The following NBN variants were observed in gnomAD, a reference collection of about 807,000 sequenced individuals.
NBN encodes the protein nibrin.
A neutral mutation model predicts 90.8 loss-of-function variants in NBN; 88 were observed. That is an observed-to-expected ratio of 0.97 (90% CI 0.82 to 1.16). The LOEUF (loss-of-function observed/expected upper bound fraction) is 1.16, where lower values mean the gene tolerates loss of function less well. NBN is among the 50% of genes most tolerant of loss of function. The pLI is 0.00. For missense variants in NBN, 894 were observed against 869.6 expected (o/e 1.03, Z -0.35); for synonymous variants, 328 against 295.1 (o/e 1.11, Z -1.14).
intron 10 of NBN, among the ~76,000 whole-genome samples, chr8:89,954,493 G>C (rs895316947): frequency 6.6e-6 from 1 of 151,518 alleles, no homozygotes; most frequent in Non-Finnish European, 1.5e-5. Context: ...TCAGGAGCCA[G>C]AGGACAAGAG....
At chr8:89,961,810 T>C (rs1221516186) in intron 8 of NBN, among the ~76,000 whole-genome samples, 1 of 152,114 alleles carries the variant, frequency 6.6e-6, no homozygotes, top group East Asian at 1.9e-4. Flanking sequence ...AATTGAATAG[T>C]GGCATAGTGA....
chr8:89,967,043 T>A (rs1811287259), intron 7 of NBN, among the ~76,000 whole-genome samples: 1 of 152,224 alleles, frequency 6.6e-6, no homozygotes, highest in Admixed American at 6.5e-5. Flanking sequence ...TTTCATTCAG[T>A]GTCATTTCAT....
At chr8:89,984,264 G>A (rs1812220296) in intron 1 of NBN, 1 of 577,278 alleles carries the variant, frequency 1.7e-6, no homozygotes, top group East Asian at 3.0e-5. Flanking sequence ...TGGGAGGGAG[G>A]GGGAGTCAGG....
intron 8 of NBN, among the ~76,000 whole-genome samples, chr8:89,962,379 A>G (rs1215583858): frequency 6.6e-6 from 1 of 152,196 alleles, no homozygotes; most frequent in Non-Finnish European, 1.5e-5. Flanking sequence ...TGTTGTAATT[A>G]AAGTCTAAAA....
At chr8:89,977,536 T>C (rs1386661400) in intron 5 of NBN, among the ~76,000 whole-genome samples, 1 of 152,170 alleles carries the variant, frequency 6.6e-6, no homozygotes, top group East Asian at 1.9e-4. Flanking sequence ...AATAAACATA[T>C]GTGTGCATGT....
chr8:89,952,643 G>A (rs996954202), intron 11 of NBN, among the ~76,000 whole-genome samples: 2 of 152,178 alleles, frequency 1.3e-5, no homozygotes, highest in African/African-American at 4.8e-5. Flanking sequence ...AATGAGTGGA[G>A]CTAATGAATC....
At chr8:89,950,281 A>C (rs2129676550) in intron 11 of NBN, among the ~76,000 whole-genome samples, 1 of 152,264 alleles carries the variant, frequency 6.6e-6, no homozygotes, top group East Asian at 1.9e-4. Context: ...GTCCCTGATA[A>C]AAAAAAGCAT....
chr8:89,954,462 T>C (rs1810601962), intron 10 of NBN, among the ~76,000 whole-genome samples: 1 of 150,818 alleles, frequency 6.6e-6, no homozygotes, highest in South Asian at 2.1e-4. Flanking sequence ...ACACTGAAAA[T>C]AACAATCAAT....
chr8:89,949,342 T>C (rs190352296), intron 11 of NBN, among the ~76,000 whole-genome samples: 5 of 152,334 alleles, frequency 3.3e-5, no homozygotes, highest in African/African-American at 7.2e-5. Flanking sequence ...TGGTAGCTAT[T>C]ACTACAGGGT....
At chr8:89,954,334 T>C (rs906043879) in intron 10 of NBN, among the ~76,000 whole-genome samples, 4 of 152,148 alleles carry the variant, frequency 2.6e-5, no homozygotes, top group Non-Finnish European at 4.4e-5. Context: ...CCCAATGTTC[T>C]ATTAACACTA....
chr8:89,978,838 T>TGCTTTCC (rs1409402980), intron 4 of NBN, among the ~76,000 whole-genome samples: 6 of 152,104 alleles, frequency 3.9e-5, no homozygotes, highest in Non-Finnish European at 7.4e-5. Flanking sequence ...ACAAAATAAG[T>TGCTTTCC]ACATATAAAG....
intron 8 of NBN, 143 bp from the exon 9 acceptor site, chr8:89,958,997 C>G: frequency 9.3e-6 from 10 of 1,073,430 alleles, no homozygotes; most frequent in Non-Finnish European, 1.4e-5. Flanking sequence ...TGAGTGGTAC[C>G]AACAAACACA....
intron 14 of NBN, among the ~76,000 whole-genome samples, chr8:89,940,626 A>G (rs368179365): frequency 0.046 from 3,056 of 66,580 alleles, 101 homozygotes; most frequent in African/African-American, 0.15. Flanking sequence ...CTACTAGAGG[A>G]AAAAAAAAAA....
At chr8:89,979,853 T>C (rs938469691) in intron 4 of NBN, among the ~76,000 whole-genome samples, 6 of 152,210 alleles carry the variant, frequency 3.9e-5, no homozygotes, top group Non-Finnish European at 7.3e-5. Context: ...TTAACTACCT[T>C]TGATTGTATT....
rs2129721675 is a variant in NBN at position 89,955,513 on chromosome 8, CA to C, written c.1166del (p.Met389ArgfsTer15). The C allele has an allele frequency of 6.2e-7, 1 of 1,613,470 alleles. No homozygotes were observed. The highest frequency in any genetic ancestry group is 1.1e-5 in the South Asian group (1 of 91,034). ...GTGAAAGCATTCTGAATTTTTGTTC[CA>C]TTTTGGAGACTTTGATTTCTTTTGG... ...ERPKEIKVSKMEQKFRMLSQD... is the reference protein window; with the variant it reads ...ERPKEIKVSKXEQKFRMLSQD... On this transcript the variant is annotated frameshift_variant, in exon 10 of 16. Coordinates refer to ENST00000265433, the MANE Select transcript of NBN (RefSeq NM_002485.5). LOFTEE classifies it high-confidence loss of function.
At chr8:89,961,294 C>T (rs766175300) in intron 8 of NBN, among the ~76,000 whole-genome samples, 2 of 152,170 alleles carry the variant, frequency 1.3e-5, no homozygotes, top group East Asian at 1.9e-4. Context: ...AGTTCAATTA[C>T]GCAAAATATT....
chr8:89,955,192 CAGAACAGACT>C, intron 10 of NBN, 81 bp downstream of exon 10: 1 of 1,288,012 alleles, frequency 7.8e-7, no homozygotes, highest in East Asian at 2.3e-5. Flanking sequence ...CATACTTAAT[CAGAACAGACT>C]AAAGACAATA....
At chr8:89,942,440 C>T (rs1226831720) in intron 14 of NBN, among the ~76,000 whole-genome samples, 1 of 152,024 alleles carries the variant, frequency 6.6e-6, no homozygotes, top group Non-Finnish European at 1.5e-5. Flanking sequence ...CCCTACAGAT[C>T]GAGTTACAAA....
In NBN at chr8:89,970,560, A is replaced by G. The variant is rs876659566; in HGVS notation, c.703-3T>C. 3 of 1,612,650 alleles carry G rather than the reference A, an allele frequency of 1.9e-6. No individual in the cohort carries two copies. The highest frequency in any genetic ancestry group is 1.7e-5 in the Admixed American group (1 of 60,008). On this transcript the variant is annotated splice_polypyrimidine_tract_variant and splice_region_variant and intron_variant, in intron 6 of 15. Coordinates refer to ENST00000265433, the MANE Select transcript of NBN (RefSeq NM_002485.5). ...ACTGCGGAACTCAATTTCTTATGCT[A>G]AAAATGGAAGGAAACATTTTTTAAA...
Sources: gnomAD v4.1 joint callset for allele counts (sites outside exome capture counted in the v4.1 genomes callset) on GRCh38, gnomAD v4.1.1 for gene constraint, MANE v1.5 for transcripts, NCBI Gene and HGNC (gene_info 2026-07-23, HGNC 2026-07-21) for gene names.